The following MAGI1 variants were observed in gnomAD, a reference collection of about 807,000 sequenced individuals.
MAGI1 encodes membrane-associated guanylate kinase, WW and PDZ domain-containing protein 1.
Under a neutral mutation model 139.9 loss-of-function variants are expected in MAGI1, and 58 were observed. That is an observed-to-expected ratio of 0.41 (90% confidence interval 0.34 to 0.52). The LOEUF (loss-of-function observed/expected upper bound fraction) is 0.52. MAGI1 is among the 20% of genes least tolerant of loss of function. The pLI, the probability that MAGI1 is intolerant of heterozygous loss-of-function variation, is 0.12. For missense variants in MAGI1, 1,874 were observed against 1,901.6 expected, an observed-to-expected ratio of 0.99 and a Z score of 0.27; for synonymous variants, 812 against 737.9, an observed-to-expected ratio of 1.10 and a Z score of -1.63.
At chr3:65,993,187 G>A (rs1043269725) in intron 1 of MAGI1, among the ~76,000 whole-genome samples, 1 of 152,102 alleles carries the variant, frequency 6.6e-6, no homozygotes, top group Non-Finnish European at 1.5e-5. Flanking sequence ...ATTTAACTGA[G>A]AGCCATCACA....
At chr3:65,378,565 C>T (rs1281528597) in intron 17 of MAGI1, among the ~76,000 whole-genome samples, 1 of 152,116 alleles carries the variant, frequency 6.6e-6, no homozygotes, top group African/African-American at 2.4e-5. Flanking sequence ...TTCTGAGGCC[C>T]TTGCAATTAG....
At chr3:65,924,288 AT>A (rs1214391439) in intron 1 of MAGI1, among the ~76,000 whole-genome samples, 1 of 152,204 alleles carries the variant, frequency 6.6e-6, no homozygotes, top group East Asian at 1.9e-4. Flanking sequence ...CACATATCAA[AT>A]TCTTGCCTTC....
intron 1 of MAGI1, among the ~76,000 whole-genome samples, chr3:65,915,307 T>A (rs1244633862): frequency 6.6e-6 from 1 of 152,182 alleles, no homozygotes; most frequent in African/African-American, 2.4e-5. Flanking sequence ...TTTTAAATAC[T>A]CAATTCAGAA....
intron 6 of MAGI1, among the ~76,000 whole-genome samples, chr3:65,448,646 T>A (rs1378529073): frequency 6.6e-6 from 1 of 151,806 alleles, no homozygotes; most frequent in African/African-American, 2.4e-5. Flanking sequence ...CCTTGAAAAC[T>A]GCCCTGAAGG....
Position 65,375,941 on chromosome 3 carries a change from A to G in MAGI1, c.3000T>C (p.Asn1000=). 3 of 1,611,740 alleles carry G rather than the reference A, an allele frequency of 1.9e-6. No individual in the cohort carries two copies. The highest frequency in any genetic ancestry group is 2.5e-6 in the Non-Finnish European group (3 of 1,178,194). ...SRPEAGTTFG[N]ACVAMPHKIG... is the part of the protein sequence containing the mutation. ...TTTTGTGAGGCATAGCCACACATGC[A>G]TTGCCTGCTTTGATATTGAGTTTTA... Residue 1000 remains asparagine, a synonymous_variant, in exon 18 of 23, where the codon AAT becomes AAC. Transcript: ENST00000402939.
At chr3:65,727,806 G>C (rs775853618) in intron 1 of MAGI1, among the ~76,000 whole-genome samples, 1 of 152,126 alleles carries the variant, frequency 6.6e-6, no homozygotes, top group African/African-American at 2.4e-5. Context: ...TAGGCAAGAC[G>C]GAGCTTCTAT....
At chr3:65,988,911 A>G (rs1188616775) in intron 1 of MAGI1, among the ~76,000 whole-genome samples, 1 of 152,188 alleles carries the variant, frequency 6.6e-6, no homozygotes, top group Non-Finnish European at 1.5e-5. Context: ...CATTTTAAAA[A>G]TATATTTTCT....
At chr3:65,833,215 T>C (rs978660652) in intron 1 of MAGI1, among the ~76,000 whole-genome samples, 8 of 151,996 alleles carry the variant, frequency 5.3e-5, no homozygotes, top group African/African-American at 1.9e-4. Flanking sequence ...GTCTCCCGGC[T>C]TCAAGAGATT....
At chr3:65,925,815 G>A (rs1001990416) in intron 1 of MAGI1, among the ~76,000 whole-genome samples, 1 of 152,094 alleles carries the variant, frequency 6.6e-6, no homozygotes, top group Admixed American at 6.5e-5. Context: ...GAGTAGCTAG[G>A]ACTACAGTCA....
At chr3:65,996,141 C>T (rs1012446107) in intron 1 of MAGI1, among the ~76,000 whole-genome samples, 3 of 152,114 alleles carry the variant, frequency 2.0e-5, no homozygotes, top group South Asian at 2.1e-4. Context: ...TACTGAACTT[C>T]GCAACTGGGC....
At chr3:65,367,559 C>T (rs755857531) in intron 18 of MAGI1, among the ~76,000 whole-genome samples, 2 of 152,138 alleles carry the variant, frequency 1.3e-5, no homozygotes, top group Non-Finnish European at 2.9e-5. Flanking sequence ...ATGGTTTAAA[C>T]GTGCCAAGCA....
At chr3:65,636,678 A>G (rs1012753516) in intron 1 of MAGI1, among the ~76,000 whole-genome samples, 3 of 151,274 alleles carry the variant, frequency 2.0e-5, no homozygotes, top group Non-Finnish European at 2.9e-5. Context: ...TTTTTTTTTA[A>G]ACTATGTTTA....
chr3:66,000,017 G>GGCTGGAGT, intron 1 of MAGI1, among the ~76,000 whole-genome samples: 1 of 120,210 alleles, frequency 8.3e-6, no homozygotes, highest in Non-Finnish European at 1.6e-5. Flanking sequence ...CTGTCCCCCA[G>GGCTGGAGT]GCTGGAGTGC....
At chr3:65,932,993 T>C (rs2062873266) in intron 1 of MAGI1, among the ~76,000 whole-genome samples, 1 of 152,252 alleles carries the variant, frequency 6.6e-6, no homozygotes, top group Non-Finnish European at 1.5e-5. Context: ...GAGAATACCA[T>C]CTGCCTCTAG....
At chr3:65,468,746 T>C (rs990922602) in intron 5 of MAGI1, among the ~76,000 whole-genome samples, 1 of 151,964 alleles carries the variant, frequency 6.6e-6, no homozygotes, top group Admixed American at 6.6e-5. Context: ...TCATACTACC[T>C]AATTTTCATT....
chr3:65,571,552 T>C (rs946364754), intron 2 of MAGI1, among the ~76,000 whole-genome samples: 3 of 152,080 alleles, frequency 2.0e-5, no homozygotes, highest in Non-Finnish European at 4.4e-5. Context: ...TACTAGAATA[T>C]ACCATAGGTT....
chr3:65,844,083 G>C (rs2058900337), intron 1 of MAGI1: 2 of 488,222 alleles, frequency 4.1e-6, no homozygotes, highest in Non-Finnish European at 8.0e-6. Flanking sequence ...AGCTACAACA[G>C]TGGAGTTGGT....
At chr3:65,939,076 T>A (rs2063188254) in intron 1 of MAGI1, among the ~76,000 whole-genome samples, 1 of 152,150 alleles carries the variant, frequency 6.6e-6, no homozygotes, top group South Asian at 2.1e-4. Flanking sequence ...ATTATATTGC[T>A]AAAGAAAAAG....
At chr3:65,892,849 T>C (rs905355938) in intron 1 of MAGI1, among the ~76,000 whole-genome samples, 22 of 152,268 alleles carry the variant, frequency 1.4e-4, no homozygotes, top group Middle Eastern at 3.4e-3. Flanking sequence ...TAGGAAACAC[T>C]ATTAGACCCA....
Sources: gnomAD v4.1 joint callset for allele counts (sites outside exome capture counted in the v4.1 genomes callset) on GRCh38, gnomAD v4.1.1 for gene constraint, MANE v1.5 for transcripts, NCBI Gene and HGNC (gene_info 2026-07-23, HGNC 2026-07-21) for gene names.